CTNNA2: variants seen among roughly 807,000 people sequenced by gnomAD.
CTNNA2 encodes catenin alpha-2.
A neutral mutation model predicts 101.0 loss-of-function variants in CTNNA2; 42 were observed. The observed-to-expected ratio is 0.42, with a 90% CI of 0.32 to 0.54. The LOEUF is 0.54. CTNNA2 is among the 20% of genes least tolerant of loss of function. The pLI is 0.14. For synonymous variants in CTNNA2, 450 were observed against 456.4 expected (o/e 0.99, Z 0.18); for missense variants, 871 against 1,223.1 (o/e 0.71, Z 4.29).
chr2:79,327,379 A>C (rs1286049543), intron 3 of CTNNA2, among the ~76,000 whole-genome samples: 2 of 152,184 alleles, frequency 1.3e-5, no homozygotes, highest in East Asian at 1.9e-4. Flanking sequence ...ATAATGGCTA[A>C]ATTTCTTCAG....
At chr2:79,768,915 C>T (rs942911550) in intron 3 of CTNNA2, among the ~76,000 whole-genome samples, 2 of 152,036 alleles carry the variant, frequency 1.3e-5, no homozygotes, top group Admixed American at 1.3e-4. Flanking sequence ...AGTGCAGTGG[C>T]GCCATCTCGG....
At chr2:79,874,024 A>G in intron 5 of CTNNA2, 52 bp from the exon 6 acceptor site, 1 of 1,598,554 alleles carries the variant, frequency 6.3e-7, no homozygotes, top group African/African-American at 1.3e-5. Context: ...TGTTGCAAAT[A>G]TTTCTATGCA....
chr2:80,512,195 G>C (rs1269151194), intron 9 of CTNNA2, among the ~76,000 whole-genome samples: 1 of 149,746 alleles, frequency 6.7e-6, no homozygotes, highest in East Asian at 1.9e-4. Context: ...AAACCATAAT[G>C]GTGACTTTTG....
chr2:79,700,089 C>T (rs560863010), intron 2 of CTNNA2, among the ~76,000 whole-genome samples: 3 of 151,924 alleles, frequency 2.0e-5, no homozygotes, highest in African/African-American at 7.2e-5. Context: ...GACAGGGACA[C>T]ATTACATTAT....
At chr2:79,710,607 C>G (rs184124781) in intron 2 of CTNNA2, among the ~76,000 whole-genome samples, 1 of 152,086 alleles carries the variant, frequency 6.6e-6, no homozygotes, top group Non-Finnish European at 1.5e-5. Flanking sequence ...TACCTCAATT[C>G]TTTTTAATAA....
chr2:80,251,606 A>G (rs576505188), intron 7 of CTNNA2, among the ~76,000 whole-genome samples: 105 of 152,348 alleles, frequency 6.9e-4, no homozygotes, highest in African/African-American at 2.5e-3. Context: ...TACAGGTGAT[A>G]TAACTTCTCC....
At chr2:79,675,081 T>C (rs945245897) in intron 2 of CTNNA2, among the ~76,000 whole-genome samples, 4 of 152,222 alleles carry the variant, frequency 2.6e-5, no homozygotes, top group Admixed American at 2.0e-4. Flanking sequence ...TAGTTATATA[T>C]CTTTTTGATC....
chr2:79,536,547 A>T (rs1673072339), intron 1 of CTNNA2, among the ~76,000 whole-genome samples: 1 of 133,610 alleles, frequency 7.5e-6, no homozygotes, highest in African/African-American at 2.6e-5. Context: ...CTAAGTTAGC[A>T]TATATACACC....
At chr2:79,919,933 C>T (rs868852681) in intron 7 of CTNNA2, among the ~76,000 whole-genome samples, 15 of 152,272 alleles carry the variant, frequency 9.9e-5, no homozygotes, top group Admixed American at 4.6e-4. Context: ...ACACCAAGTA[C>T]TTTACAGTTA....
At chr2:80,202,316 T>A (rs1485129375) in intron 7 of CTNNA2, among the ~76,000 whole-genome samples, 2 of 152,160 alleles carry the variant, frequency 1.3e-5, no homozygotes, top group Admixed American at 1.3e-4. Context: ...GAACCAGCAG[T>A]CTGAAAGGAG....
At chr2:79,853,600 C>A (rs1680896329) in intron 3 of CTNNA2, among the ~76,000 whole-genome samples, 1 of 152,068 alleles carries the variant, frequency 6.6e-6, no homozygotes, top group Non-Finnish European at 1.5e-5. Flanking sequence ...CTGATTCCTA[C>A]CTGATGTTTT....
intron 9 of CTNNA2, among the ~76,000 whole-genome samples, chr2:80,433,966 C>G (rs1368526300): frequency 6.6e-6 from 1 of 152,160 alleles, no homozygotes; most frequent in African/African-American, 2.4e-5. Context: ...AACAATTCAA[C>G]CTTTGTCCCA....
intron 1 of CTNNA2, among the ~76,000 whole-genome samples, chr2:79,193,243 G>T (rs937219049): frequency 6.6e-6 from 1 of 151,992 alleles, no homozygotes; most frequent in African/African-American, 2.4e-5. Context: ...CCAGTTTCTT[G>T]CTAGGTCATG....
chr2:80,101,070 T>C (rs1288446203), intron 7 of CTNNA2, among the ~76,000 whole-genome samples: 1 of 152,178 alleles, frequency 6.6e-6, no homozygotes, highest in Admixed American at 6.5e-5. Flanking sequence ...AAGGAGAGGA[T>C]TGTTTGATAT....
intron 3 of CTNNA2, among the ~76,000 whole-genome samples, chr2:79,368,428 T>C (rs980452930): frequency 1.3e-5 from 2 of 152,214 alleles, no homozygotes; most frequent in Non-Finnish European, 2.9e-5. Flanking sequence ...TCCCACAGTG[T>C]CACCACATCC....
chr2:80,495,385 T>G (rs1394882492), intron 9 of CTNNA2, among the ~76,000 whole-genome samples: 1 of 152,134 alleles, frequency 6.6e-6, no homozygotes, highest in South Asian at 2.1e-4. Flanking sequence ...CTCTCTTCTG[T>G]CTCTTAAAGC....
intron 6 of CTNNA2, among the ~76,000 whole-genome samples, chr2:79,905,163 TTAAAG>T (rs1288416667): frequency 6.6e-6 from 1 of 152,148 alleles, no homozygotes; most frequent in African/African-American, 2.4e-5. Flanking sequence ...CAATAATTTT[TTAAAG>T]TAGAGATGTT....
chr2:79,422,866 A>G (rs1366285940), intron 4 of CTNNA2, among the ~76,000 whole-genome samples: 1 of 152,240 alleles, frequency 6.6e-6, no homozygotes, highest in Non-Finnish European at 1.5e-5. Context: ...AAGAAGACAC[A>G]AGACCAGCCA....
upstream of CTNNA2, among the ~76,000 whole-genome samples, chr2:79,510,687 C>A (rs956879681): frequency 6.6e-5 from 10 of 152,318 alleles, no homozygotes; most frequent in Admixed American, 4.6e-4. Flanking sequence ...TTTTGAAGAA[C>A]TGAGGGAGAC....
Sources: allele counts gnomAD v4.1 joint callset (sites outside exome capture counted in the v4.1 genomes callset), GRCh38; gene constraint gnomAD v4.1.1; transcripts MANE v1.5; gene names NCBI Gene and HGNC (gene_info 2026-07-23, HGNC 2026-07-21).